BRWD1: variants seen among roughly 807,000 people sequenced by gnomAD.
BRWD1 encodes the protein bromodomain and WD repeat-containing protein 1.
BRWD1 carries 82 observed loss-of-function variants against 251.2 expected under a neutral mutation model. The observed-to-expected ratio is 0.33, with a 90% CI of 0.27 to 0.39. The LOEUF (loss-of-function observed/expected upper bound fraction) is 0.39. Ranked by LOEUF, BRWD1 falls within the 10% of genes least tolerant of loss-of-function variation. The pLI is 1.00. For missense variants in BRWD1, 2,233 were observed against 2,711.6 expected (o/e 0.82, Z 3.92); for synonymous variants, 918 against 902.8 (o/e 1.02, Z -0.30).
chr21:39,298,255 T>C (rs1269636303), intron 5 of BRWD1, 177 bp downstream of exon 5: 11 of 1,263,104 alleles, frequency 8.7e-6, no homozygotes, highest in African/African-American at 1.5e-5. Flanking sequence ...GAAGGACCCA[T>C]TAAACACTTA....
intron 23 of BRWD1, 48 bp downstream of exon 23, chr21:39,236,547 G>T: frequency 7.0e-7 from 1 of 1,418,612 alleles, no homozygotes; most frequent in Non-Finnish European, 9.6e-7. Context: ...ATGGGGTAAA[G>T]CTGGGGTATC....
chr21:39,316,263 T>C (rs1474528373), upstream of BRWD1, among the ~76,000 whole-genome samples: 2 of 152,048 alleles, frequency 1.3e-5, no homozygotes, highest in African/African-American at 2.4e-5. Flanking sequence ...TGGGGTGAAA[T>C]AAAAACCACA....
At chr21:39,305,972 T>C (rs1247531667) in intron 4 of BRWD1, among the ~76,000 whole-genome samples, 4 of 151,792 alleles carry the variant, frequency 2.6e-5, no homozygotes, top group Admixed American at 6.6e-5. Flanking sequence ...AGTTTGACGC[T>C]GCAGTGAGCC....
chr21:39,307,108 C>A (rs1425048248), intron 4 of BRWD1, among the ~76,000 whole-genome samples: 1 of 152,214 alleles, frequency 6.6e-6, no homozygotes, highest in Non-Finnish European at 1.5e-5. Context: ...CCTGCCTCAG[C>A]CTCCTAAAGT....
rs554272084 is a variant in BRWD1, at chr21:39,304,234, C to CA, written c.199-5653dup. ...GCTGTCATCTTAATACTTGATTAAT[C>CA]AAAAAAAAAAAGTGAGAGAAAGAAT... On this transcript the variant is annotated intron_variant, in intron 4 of 40. Coordinates refer to ENST00000342449, the MANE Select transcript of BRWD1 (RefSeq NM_033656.4). Among the ~76,000 whole-genome samples the CA allele has an allele frequency of 1.7e-3, 222 of 129,800 alleles. 5 individuals are homozygous for CA. The South Asian group carries it at 0.03, about 17-fold the overall frequency. The allele number at this position is 129,800 out of a possible 152,430, so 85.2% of individuals were successfully genotyped here.
intron 21 of BRWD1, among the ~76,000 whole-genome samples, chr21:39,240,831 A>G (rs553391394): frequency 1.3e-5 from 2 of 152,346 alleles, no homozygotes; most frequent in East Asian, 3.9e-4. Context: ...TTGGTTAACG[A>G]CAAAAAAAGA....
rs1252815596 is a variant in BRWD1, at chr21:39,250,839, T to C, written c.2306A>G (p.Tyr769Cys). ...LEKGEEERNL[Y>C]IIGRKRKTLQ... is the part of the protein sequence containing the mutation. ...AGTCTTTCTTTTTCTTCCTATTATATAAAGATTTCTTTCCTCTTCACCTTT... is the reference window on the plus strand; with the variant it reads ...AGTCTTTCTTTTTCTTCCTATTATACAAAGATTTCTTTCCTCTTCACCTTT... Residue 769 changes from tyrosine to cysteine, a missense_variant, in exon 20 of 41, where the codon TAT (tyrosine) becomes TGT (cysteine). Physicochemically the swap from Tyr to Cys is radical, Grantham distance 194. Transcript: ENST00000342449. 2 of 1,600,646 alleles carry C rather than the reference T, an allele frequency of 1.2e-6. No individual in the cohort carries two copies. The highest frequency in any genetic ancestry group is 8.5e-7 in the Non-Finnish European group (1 of 1,174,670).
At chr21:39,279,686 G>GA (rs1006259502) in intron 9 of BRWD1, among the ~76,000 whole-genome samples, 1 of 146,550 alleles carries the variant, frequency 6.8e-6, no homozygotes, top group African/African-American at 2.5e-5. Context: ...AAAACAAAAG[G>GA]AAAAAAAATG....
In BRWD1 at chr21:39,187,084, A is replaced by T. The variant is rs376173353; in HGVS notation, c.*9175T>A. 6.3e-7 allele frequency: 1 copy of T among 1,596,398 alleles called. No individual in the cohort carries two copies. On this transcript the variant is annotated 3_prime_UTR_variant, in exon 41 of 41. Coordinates refer to ENST00000342449, the MANE Select transcript of BRWD1 (RefSeq NM_033656.4). ...CCTTAAAAAAAGCATTTTTCTATTA[A>T]TATCTTCTAGCTCTTTTTCACTTTC...
chr21:39,308,295 A>C (rs1397746954), intron 4 of BRWD1, among the ~76,000 whole-genome samples: 1 of 152,078 alleles, frequency 6.6e-6, no homozygotes, highest in African/African-American at 2.4e-5. Flanking sequence ...TAGCCGGGCC[A>C]ACATGGTGAA....
rs575916300 is a variant in BRWD1 at position 39,286,363 on chromosome 21, T to C, written c.832-6115A>G. On this transcript the variant is annotated intron_variant, in intron 8 of 40. Coordinates refer to ENST00000342449, the MANE Select transcript of BRWD1 (RefSeq NM_033656.4). ...CAACAATTCAGTGGCATTTAGTACA[T>C]GCACAATGCTGTGCAGCCATCGCCA... is the stretch of plus-strand genomic sequence containing the variant. Among the ~76,000 whole-genome samples the C allele has an allele frequency of 3.3e-5, 5 of 152,086 alleles. No homozygotes were observed. The East Asian group carries it at 7.8e-4, about 24-fold the overall frequency.
At position 39,313,500 on chromosome 21, in the gene BRWD1, G is replaced by A. The variant is rs2036592125; in HGVS notation, c.-9C>T. 2.2e-6 allele frequency: 3 copies of A among 1,333,634 alleles called. No homozygotes were observed. Among genetic ancestry groups the A allele is most frequent in the Admixed American group, 8.3e-5 (2 of 24,012 alleles). 82.6% of individuals were successfully genotyped at this position (1,333,634 alleles called of 1,614,324 possible). ...GACGACGGCTCCGCCATGGCCGGGC[G>A]CGGGGCGGGAGGCGGGAGCGAGCGA... On this transcript the variant is annotated 5_prime_UTR_variant, in exon 1 of 41. Transcript: ENST00000342449.
intron 9 of BRWD1, among the ~76,000 whole-genome samples, chr21:39,279,652 A>G (rs559099851): frequency 0.012 from 929 of 76,816 alleles, 11 homozygotes; most frequent in Non-Finnish European, 0.019. Context: ...AAAAAAAAAA[A>G]AAAAGAAAAA....
intron 21 of BRWD1, among the ~76,000 whole-genome samples, chr21:39,245,589 CTTTTTTTTTTGGTTTTT>C (rs1568909716): frequency 5.4e-5 from 7 of 128,862 alleles, no homozygotes. Flanking sequence ...GTATTAAATA[CTTTTTTTTTTGGTTTTT>C]TTTTTTTTTT....
intron 38 of BRWD1, 81 bp downstream of exon 38, chr21:39,202,244 T>G (rs2032145930): frequency 3.0e-6 from 3 of 999,612 alleles, no homozygotes; most frequent in Non-Finnish European, 2.9e-6. Flanking sequence ...ATCTTTATAT[T>G]TTCCTCTAAA....
At chr21:39,312,973 G>GA in intron 3 of BRWD1, 73 bp from the exon 4 acceptor site, 1 of 540,168 alleles carries the variant, frequency 1.9e-6, no homozygotes, top group Non-Finnish European at 2.4e-6. Context: ...GGGGCCGGGG[G>GA]CGGGCGGCGG....
intron 19 of BRWD1, among the ~76,000 whole-genome samples, chr21:39,254,119 A>C (rs1360800807): frequency 6.6e-6 from 1 of 152,132 alleles, no homozygotes; most frequent in East Asian, 1.9e-4. Context: ...ATACAAAATT[A>C]GCCAGGCGTG....
At position 39,225,180 on chromosome 21, in the gene BRWD1, T is replaced by C. The variant is rs1287422410; in HGVS notation, c.3226A>G (p.Ile1076Val). 1.9e-6 allele frequency: 3 copies of C among 1,612,460 alleles called. No homozygotes were observed. The highest frequency in any genetic ancestry group is 2.2e-5 in the East Asian group (1 of 44,826). ...NWQSCDRFRS[I>V]IDDAWWFGTV... ...CCAAACCACCAAGCATCATCAATAATAGAGCGGAATCTGTCACCTAGGAGA... is the reference window on the plus strand; with the variant it reads ...CCAAACCACCAAGCATCATCAATAACAGAGCGGAATCTGTCACCTAGGAGA... Residue 1076 changes from isoleucine (I) to valine (V), a missense_variant, in exon 28 of 41, where the codon ATT becomes GTT. Physicochemically the swap from Ile to Val is conservative, Grantham distance 29 (BLOSUM62 3). This residue lies in a region of BRWD1 where 139 missense variants were observed against 272.8 expected (regional missense o/e 0.51). Transcript: ENST00000342449.
chr21:39,284,742 C>T (rs1360387046), intron 8 of BRWD1, among the ~76,000 whole-genome samples: 4 of 152,134 alleles, frequency 2.6e-5, no homozygotes, highest in South Asian at 2.1e-4. Flanking sequence ...GAAATGTCTA[C>T]GCAGGTCTTT....
Sources: allele counts gnomAD v4.1 joint callset (sites outside exome capture counted in the v4.1 genomes callset), GRCh38; gene constraint gnomAD v4.1.1; regional missense constraint gnomAD v4.1.1; transcripts MANE v1.5; gene names NCBI Gene and HGNC (gene_info 2026-07-23, HGNC 2026-07-21).